C1GALT1: variants seen among roughly 807,000 people sequenced by gnomAD.
C1GALT1 encodes glycoprotein-N-acetylgalactosamine 3-beta-galactosyltransferase 1.
A neutral mutation model predicts 31.0 loss-of-function variants in C1GALT1; 11 were observed. That is an observed-to-expected ratio of 0.36 (90% CI 0.22 to 0.59). The LOEUF is 0.59. Ranked by LOEUF, C1GALT1 falls within the 20% of genes least tolerant of loss-of-function variation. C1GALT1 has a pLI of 0.79. For synonymous variants in C1GALT1, 175 were observed against 143.6 expected (o/e 1.22, Z -1.56); for missense variants, 424 against 425.2 (o/e 1.00, Z 0.03).
At chr7:7,167,419 T>C (rs11770958) in intron 2 of C1GALT1, among the ~76,000 whole-genome samples, 262 of 152,214 alleles carry the variant, frequency 1.7e-3, no homozygotes, top group African/African-American at 5.9e-3. Flanking sequence ...AATGTTATAC[T>C]GCACATTACA....
intron 2 of C1GALT1, among the ~76,000 whole-genome samples, chr7:7,176,911 A>T (rs1234785326): frequency 6.6e-6 from 1 of 152,220 alleles, no homozygotes; most frequent in Non-Finnish European, 1.5e-5. Context: ...CAATGTTGCC[A>T]GAAGGATTTC....
intron 2 of C1GALT1, among the ~76,000 whole-genome samples, chr7:7,168,663 T>A (rs920822318): frequency 6.6e-6 from 1 of 152,230 alleles, no homozygotes; most frequent in Non-Finnish European, 1.5e-5. Context: ...TCAGTTCCTT[T>A]TCAAATGAAC....
Position 7,244,438 on chromosome 7 carries a change from C to A in C1GALT1, c.*711C>A, listed in dbSNP as rs1487345648. On this transcript the variant is annotated 3_prime_UTR_variant, in exon 4 of 4. Transcript: ENST00000436587. The stretch of plus-strand genomic sequence containing the variant: ...TGTCTCTTTTCTAAATGTGTTTAGC[C>A]ACTCTTGAATACCATTCTCCACTAT... 6.6e-6 allele frequency: 1 copy of A among 152,060 alleles called. No homozygotes were observed. The highest frequency in any genetic ancestry group is 2.4e-5 in the African/African-American group (1 of 41,424). The allele number at this position is 152,060 out of a possible 1,614,324, so 9.4% of individuals were successfully genotyped here.
At chr7:7,175,434 G>A (rs1780495065) in intron 2 of C1GALT1, among the ~76,000 whole-genome samples, 1 of 152,228 alleles carries the variant, frequency 6.6e-6, no homozygotes, top group Admixed American at 6.5e-5. Flanking sequence ...CTGGGCATGT[G>A]CATGGCTTTC....
At chr7:7,213,329 A>G (rs1782092532) in intron 1 of C1GALT1, among the ~76,000 whole-genome samples, 2 of 152,220 alleles carry the variant, frequency 1.3e-5, no homozygotes, top group South Asian at 2.1e-4. Context: ...ATTTATTTCC[A>G]TGGTTTACAG....
chr7:7,227,452 G>A (rs975452423), intron 1 of C1GALT1, among the ~76,000 whole-genome samples: 2 of 152,194 alleles, frequency 1.3e-5, no homozygotes, highest in African/African-American at 2.4e-5. Context: ...CGGGCGCGGT[G>A]GCTCACGCCT....
At chr7:7,170,479 C>T (rs2128227295) in intron 2 of C1GALT1, among the ~76,000 whole-genome samples, 1 of 152,252 alleles carries the variant, frequency 6.6e-6, no homozygotes, top group South Asian at 2.1e-4. Flanking sequence ...TTTTAGTTTT[C>T]ATTATTAAAC....
At chr7:7,243,120 G>T (rs1783702802) in intron 3 of C1GALT1, among the ~76,000 whole-genome samples, 1 of 152,054 alleles carries the variant, frequency 6.6e-6, no homozygotes. Flanking sequence ...ATGCCCTAGA[G>T]GTATGTTTCC....
rs370656404 is a variant in C1GALT1, at chr7:7,169,948, A to G, written c.-18+12522A>G. 8.3e-4 allele frequency among the ~76,000 whole-genome samples: 127 copies of G among 152,268 alleles called. 1 individual carries two copies. In the South Asian group the frequency reaches 0.018, roughly 22 times the overall value. ...AATTGGTGTTAATTCTTCTTGAAATATTTGGCAAAGTTCACCAGTGAAGCT... is the reference window on the plus strand; with the variant it reads ...AATTGGTGTTAATTCTTCTTGAAATGTTTGGCAAAGTTCACCAGTGAAGCT... On this transcript the variant is annotated intron_variant, in intron 2 of 3. Coordinates refer to the C1GALT1 transcript ENST00000429911.
rs185134690 is a variant in C1GALT1, at chr7:7,235,895, A to T, written c.220+1356A>T. 2.7e-3 allele frequency among the ~76,000 whole-genome samples: 411 copies of T among 152,142 alleles called. 2 individuals are homozygous for T. The highest frequency in any genetic ancestry group is 9.1e-3 in the African/African-American group (378 of 41,502). On this transcript the variant is annotated intron_variant, in intron 2 of 3. Transcript: ENST00000436587. ...CAGTGCTGCTACTTTACCATTTTTC[A>T]TCTCTTTTCCTCTCAGTCCTCAGTG... is the stretch of plus-strand genomic sequence containing the variant.
Position 7,238,593 on chromosome 7 carries a change from G to T in C1GALT1, c.559G>T (p.Asp187Tyr), listed in dbSNP as rs369427539. The change falls in exon 3 of 4, where the codon GAC (aspartate) becomes TAC (tyrosine). Residue 187 changes from aspartate to tyrosine, a missense_variant. Asp to Tyr is a radical substitution (Grantham distance 160). Transcript: ENST00000436587. The surrounding 1 kb of genome is among the most constrained non-coding windows in gnomAD (Gnocchi z 5.2). ...DNLRWLLSKY[D>Y]PEEPIYFGRR... ...TTTGAGGTGGCTTCTTTCAAAATAC[G>T]ACCCTGAAGAACCCATTTACTTTGG... The T allele has an allele frequency of 5.0e-6, 8 of 1,613,936 alleles. No individual in the cohort carries two copies. The highest frequency in any genetic ancestry group is 1.7e-4 in the Middle Eastern group (1 of 6,060).
chr7:7,203,622 C>T (rs1158542904), intron 1 of C1GALT1, among the ~76,000 whole-genome samples: 2 of 151,968 alleles, frequency 1.3e-5, no homozygotes, highest in African/African-American at 4.8e-5. Context: ...AGAATTTTTA[C>T]ATCACTGTTA....
intron 1 of C1GALT1, among the ~76,000 whole-genome samples, chr7:7,202,435 T>C (rs1209189973): frequency 6.6e-6 from 1 of 152,206 alleles, no homozygotes; most frequent in African/African-American, 2.4e-5. Flanking sequence ...CTTCATTCTT[T>C]TGCATGTGGA....
intron 1 of C1GALT1, among the ~76,000 whole-genome samples, chr7:7,231,911 T>C (rs1262619362): frequency 6.6e-6 from 1 of 152,234 alleles, no homozygotes; most frequent in African/African-American, 2.4e-5. Flanking sequence ...GACTCTAACG[T>C]AGACTTCAGC....
chr7:7,174,031 G>A (rs1392583284), intron 2 of C1GALT1, among the ~76,000 whole-genome samples: 1 of 152,164 alleles, frequency 6.6e-6, no homozygotes, highest in African/African-American at 2.4e-5. Flanking sequence ...ACTTTCTGGT[G>A]AGGGTTCTTT....
chr7:7,164,909 T>G (rs2128226755), intron 2 of C1GALT1, among the ~76,000 whole-genome samples: 1 of 152,228 alleles, frequency 6.6e-6, no homozygotes, highest in Admixed American at 6.5e-5. Context: ...TCACCTTGGG[T>G]TTGCTGCCTT....
At chr7:7,228,549 G>C (rs1479633494) in intron 1 of C1GALT1, among the ~76,000 whole-genome samples, 1 of 152,106 alleles carries the variant, frequency 6.6e-6, no homozygotes, top group Non-Finnish European at 1.5e-5. Context: ...CCAAAAATCT[G>C]AGTGAGCTTT....
intron 2 of C1GALT1, among the ~76,000 whole-genome samples, chr7:7,162,068 TTTTTTTTTTTC>T (rs905823677): frequency 1.8e-4 from 17 of 91,918 alleles, no homozygotes; most frequent in Non-Finnish European, 2.6e-4. Flanking sequence ...TCTTCATTTC[TTTTTTTTTTTC>T]TTTTTTTTTA....
chr7:7,205,028 A>G (rs1051642893), intron 1 of C1GALT1, among the ~76,000 whole-genome samples: 3 of 152,188 alleles, frequency 2.0e-5, no homozygotes, highest in Non-Finnish European at 4.4e-5. Context: ...TGTTCAGTCT[A>G]TGTCTGTTAG....
Sources: gnomAD v4.1 joint callset for allele counts (sites outside exome capture counted in the v4.1 genomes callset) on GRCh38, gnomAD v4.1.1 for gene constraint, Gnocchi (gnomAD v3.1) non-coding constraint, MANE v1.5 for transcripts, NCBI Gene and HGNC (gene_info 2026-07-23, HGNC 2026-07-21) for gene names.